Variants in BABAM2 observed in about 807,000 individuals in gnomAD.
The protein encoded by BABAM2 is BRISC and BRCA1 A complex member 2, also known as BRISC and BRCA1-A complex member 2.
Under a neutral mutation model 54.7 loss-of-function variants are expected in BABAM2, and 31 were observed. The observed-to-expected ratio is 0.57, with a 90% confidence interval of 0.43 to 0.77. BABAM2 has a LOEUF of 0.77. BABAM2 is among the 30% of genes least tolerant of loss of function. The pLI is 0.00. For missense variants in BABAM2, 364 were observed against 455.8 expected (o/e 0.80, Z 1.83); for synonymous variants, 167 against 162.9 (o/e 1.03, Z -0.19).
chr2:28,102,025 A>G (rs945680519), intron 6 of BABAM2, among the ~76,000 whole-genome samples: 17 of 152,164 alleles, frequency 1.1e-4, no homozygotes, highest in Non-Finnish European at 2.5e-4. Context: ...AACCATTGGA[A>G]ACAAGATAAC....
intron 3 of BABAM2, among the ~76,000 whole-genome samples, chr2:27,931,115 A>G (rs908820367): frequency 6.6e-6 from 1 of 152,254 alleles, no homozygotes; most frequent in Non-Finnish European, 1.5e-5. Context: ...AATGTTGGAC[A>G]TGCTGACTTG....
At chr2:27,907,335 A>G (rs968667613) in intron 2 of BABAM2, among the ~76,000 whole-genome samples, 2 of 151,898 alleles carry the variant, frequency 1.3e-5, no homozygotes, top group African/African-American at 4.8e-5. Context: ...ACCTTGAATC[A>G]AGTGGAAGTT....
At chr2:28,160,408 A>T (rs557459292) in intron 7 of BABAM2, among the ~76,000 whole-genome samples, 2 of 152,226 alleles carry the variant, frequency 1.3e-5, no homozygotes, top group Non-Finnish European at 2.9e-5. Context: ...TTATCTTATC[A>T]TACATTGTGT....
In BABAM2 at chr2:28,276,137, G is replaced by A. The variant is rs567393757; in HGVS notation, c.935-22201G>A. On this transcript the variant is annotated intron_variant, in intron 10 of 11. Coordinates refer to ENST00000379624, the MANE Select transcript of BABAM2 (RefSeq NM_199191.3). ...TGTTAGGTTGAAGTGACTCACTTGC[G>A]TAGATGAAGTTATTTTTAGAGATGT... Among the ~76,000 whole-genome samples the A allele has an allele frequency of 4.5e-4, 69 of 152,204 alleles. No homozygotes were observed. In the South Asian group the frequency reaches 0.012, roughly 27 times the overall value.
chr2:27,988,188 A>G, intron 4 of BABAM2, 101 bp downstream of exon 4: 1 of 1,089,950 alleles, frequency 9.2e-7, no homozygotes, highest in South Asian at 1.3e-5. Flanking sequence ...ACACATCTGC[A>G]TTTTTTTCCC....
intron 6 of BABAM2, among the ~76,000 whole-genome samples, chr2:28,114,554 G>A (rs1668437049): frequency 6.6e-6 from 1 of 152,070 alleles, no homozygotes; most frequent in Admixed American, 6.5e-5. Flanking sequence ...TTGAGGAGTG[G>A]GACTGATTCT....
At position 27,935,751 on chromosome 2, in the gene BABAM2, T is replaced by C. The variant is rs78555900; in HGVS notation, c.205+5843T>C. On this transcript the variant is annotated intron_variant, in intron 3 of 11. Coordinates refer to ENST00000379624, the MANE Select transcript of BABAM2 (RefSeq NM_199191.3). ...TTCATTGTTGTCTTATTTTAAGAAA[T>C]TGCCATAGCCATGCCGCCCTTCAGC... Among the ~76,000 whole-genome samples the C allele has an allele frequency of 4.9e-3, 743 of 152,304 alleles. 11 individuals are homozygous for C. The highest frequency in any genetic ancestry group is 0.017 in the African/African-American group (701 of 41,570).
intron 10 of BABAM2, 53 bp from the exon 11 acceptor site, chr2:28,298,284 AT>A (rs1687852536): frequency 4.5e-6 from 7 of 1,559,730 alleles, no homozygotes; most frequent in African/African-American, 2.8e-5. Context: ...AAAAAAAAAA[AT>A]CTTAAGATGT....
At chr2:27,916,270 A>G (rs1388532489) in intron 2 of BABAM2, among the ~76,000 whole-genome samples, 1 of 144,956 alleles carries the variant, frequency 6.9e-6, no homozygotes, top group Non-Finnish European at 1.5e-5. Flanking sequence ...CAAGGCATAA[A>G]AACAGTGGCC....
chr2:28,097,176 G>C (rs934095257), intron 6 of BABAM2, among the ~76,000 whole-genome samples: 1 of 152,134 alleles, frequency 6.6e-6, no homozygotes, highest in Non-Finnish European at 1.5e-5. Flanking sequence ...TAGGGAAACC[G>C]TGATGCCTGC....
intron 10 of BABAM2, among the ~76,000 whole-genome samples, chr2:28,250,201 G>A (rs1237449700): frequency 6.6e-6 from 1 of 152,072 alleles, no homozygotes; most frequent in Non-Finnish European, 1.5e-5. Flanking sequence ...AGCCAAGGAA[G>A]GCAATTCCAG....
intron 4 of BABAM2, among the ~76,000 whole-genome samples, chr2:28,000,476 A>G (rs1193763289): frequency 6.6e-6 from 1 of 152,154 alleles, no homozygotes; most frequent in African/African-American, 2.4e-5. Context: ...GCCACATACT[A>G]TTGATATGAC....
intron 10 of BABAM2, among the ~76,000 whole-genome samples, chr2:28,252,473 T>G (rs572336992): frequency 6.6e-6 from 1 of 152,292 alleles, no homozygotes; most frequent in South Asian, 2.1e-4. Context: ...AAGCACACCC[T>G]TCGCCCGGTT....
chr2:28,249,084 C>CT (rs1408476434), intron 10 of BABAM2, among the ~76,000 whole-genome samples: 19 of 145,936 alleles, frequency 1.3e-4, no homozygotes, highest in Non-Finnish European at 6.0e-5. Context: ...TGTTTGTTTG[C>CT]TTGTTTTTTT....
intron 4 of BABAM2, among the ~76,000 whole-genome samples, chr2:28,000,137 A>ATAT (rs1673476318): frequency 6.6e-6 from 1 of 152,196 alleles, no homozygotes; most frequent in South Asian, 2.1e-4. Context: ...CAGTAATGAT[A>ATAT]TATTATTATT....
intron 4 of BABAM2, chr2:28,013,511 T>C (rs1201688212): frequency 2.4e-6 from 1 of 413,178 alleles, no homozygotes; most frequent in Non-Finnish European, 4.8e-6. Context: ...ACAAAGGTAT[T>C]TGTGCATTTT....
intron 7 of BABAM2, among the ~76,000 whole-genome samples, chr2:28,216,067 T>C (rs1232759917): frequency 6.6e-6 from 1 of 152,244 alleles, no homozygotes; most frequent in East Asian, 1.9e-4. Context: ...TAATAGAATC[T>C]TCACTAAATT....
chr2:28,263,140 A>G (rs1333613202), intron 10 of BABAM2, among the ~76,000 whole-genome samples: 1 of 149,328 alleles, frequency 6.7e-6, no homozygotes, highest in Non-Finnish European at 1.5e-5. Context: ...TCAAAAAAAA[A>G]AAAAAAAGAA....
intron 7 of BABAM2, among the ~76,000 whole-genome samples, chr2:28,219,578 G>A: frequency 6.6e-6 from 1 of 152,012 alleles, no homozygotes; most frequent in East Asian, 1.9e-4. Context: ...GCAGCTTTGG[G>A]GAGCCATCAT....
Sources: gnomAD v4.1 joint callset for allele counts (sites outside exome capture counted in the v4.1 genomes callset) on GRCh38, gnomAD v4.1.1 for gene constraint, MANE v1.5 for transcripts, NCBI Gene and HGNC (gene_info 2026-07-23, HGNC 2026-07-21) for gene names.